Variants in PDE2A observed in about 807,000 individuals in gnomAD.
PDE2A encodes phosphodiesterase 2A.
Under a neutral mutation model 133.6 loss-of-function variants are expected in PDE2A, and 53 were observed. That is an observed-to-expected ratio of 0.40 (90% CI 0.32 to 0.50). The LOEUF is 0.50. Among genes scored for constraint, PDE2A ranks in the 20% least tolerant of loss-of-function variants. The probability of loss-of-function intolerance (pLI) is 0.73; values close to 1 mark genes in which losing one functional copy is unlikely to be tolerated. For missense variants in PDE2A, 796 were observed against 1,232.4 expected, an observed-to-expected ratio of 0.65 and a Z score of 5.30; for synonymous variants, 491 against 490.2, an observed-to-expected ratio of 1.00 and a Z score of -0.02.
In PDE2A at chr11:72,658,381, G is replaced by A. The variant is rs75017062; in HGVS notation, c.71+15756C>T. The stretch of plus-strand genomic sequence containing the variant: ...GAGCTGTGGTTCTGATCCCTCCCAG[G>A]ACTTTCCCTGGAAGTCACCACCTCC... On this transcript the variant is annotated intron_variant, in intron 1 of 30. Transcript: ENST00000334456. Among the ~76,000 whole-genome samples the A allele has an allele frequency of 7.7e-3, 1,169 of 152,172 alleles. 5 individuals carry two copies. Among genetic ancestry groups the A allele is most frequent in the Non-Finnish European group, 0.013 (912 of 68,010 alleles).
intron 6 of PDE2A, 88 bp downstream of exon 6, chr11:72,596,505 C>CAT (rs1177443180): frequency 1.0e-5 from 6 of 586,444 alleles, no homozygotes; most frequent in African/African-American, 1.9e-5. Context: ...CACACACACA[C>CAT]ACACACACAC....
chr11:72,577,576 G>C lies in PDE2A; in HGVS notation c.2634C>G (p.Phe878Leu). The C allele has an allele frequency of 6.2e-7, 1 of 1,600,972 alleles. No homozygotes were observed. Among genetic ancestry groups the C allele is most frequent in the Non-Finnish European group, 8.5e-7 (1 of 1,179,582 alleles). ...GCTCGTACAGCTCTGCCGCTTTGGG[G>C]AACAGGTCCTGCAACAGCCTGCGGG... ...MPIYKLLQDL[F>L]PKAAELYERV... The change falls in exon 31 of 31, where the codon TTC becomes TTG. Residue 878 changes from phenylalanine to leucine, a missense_variant. Transcript: ENST00000334456.
At chr11:72,604,836 T>C (rs908214880) in intron 4 of PDE2A, among the ~76,000 whole-genome samples, 3 of 152,212 alleles carry the variant, frequency 2.0e-5, no homozygotes, top group Non-Finnish European at 4.4e-5. Context: ...ATACACCCCA[T>C]AGCCCCAATG....
At chr11:72,631,269 C>T in intron 2 of PDE2A, 1 of 644,698 alleles carries the variant, frequency 1.6e-6, no homozygotes, top group South Asian at 2.0e-5. Flanking sequence ...CCTGCTTGCA[C>T]CCTGCTCTCT....
At position 72,579,400 on chromosome 11, in the gene PDE2A, G is replaced by A. The variant is rs202238469; in HGVS notation, c.2257-17C>T. On this transcript the variant is annotated splice_polypyrimidine_tract_variant and intron_variant, in intron 26 of 30. Coordinates refer to ENST00000334456, the MANE Select transcript of PDE2A (RefSeq NM_002599.5). ...CTGATAGTCCTGAGGCGAGGGCAGG[G>A]GTGTCATGCCCTCCTACTGGACACC... The A allele has an allele frequency of 4.8e-5, 76 of 1,598,148 alleles. 1 individual carries two copies. The Middle Eastern group carries it at 1.0e-3, about 21-fold the overall frequency.
chr11:72,601,454 C>A (rs1321637299), intron 4 of PDE2A, among the ~76,000 whole-genome samples: 1 of 150,206 alleles, frequency 6.7e-6, no homozygotes, highest in African/African-American at 2.5e-5. Context: ...CTGAGACAAC[C>A]CCTAGGGATG....
rs569775230 is a variant in PDE2A, at chr11:72,624,986, G to A, written c.145-16235C>T. On this transcript the variant is annotated intron_variant, in intron 2 of 30. Transcript: ENST00000334456. The stretch of plus-strand genomic sequence containing the variant: ...CTGGGTCCCACAAGCTTGGCCCCTC[G>A]TCCCCACCCCAACTGGGCACAGTCG... Among the ~76,000 whole-genome samples the A allele has an allele frequency of 5.3e-5, 8 of 152,280 alleles. No individual in the cohort carries two copies. The South Asian group carries it at 6.2e-4, about 12-fold the overall frequency.
In PDE2A at chr11:72,674,212, C is replaced by T; in HGVS notation, c.-5G>A. On this transcript the variant is annotated 5_prime_UTR_variant, in exon 1 of 31. Transcript: ENST00000334456. ...GTGGCCGCATGCCTGCCCCATCACT[C>T]CTCATCGTCCGCCTCCCCAGCCAGA... 1 of 1,608,160 alleles carries T rather than the reference C, an allele frequency of 6.2e-7. No individual in the cohort carries two copies. Among genetic ancestry groups the T allele is most frequent in the Non-Finnish European group, 8.5e-7 (1 of 1,179,170 alleles).
At chr11:72,652,395 T>G (rs1226105968) in intron 1 of PDE2A, 3 of 424,482 alleles carry the variant, frequency 7.1e-6, no homozygotes, top group African/African-American at 6.1e-5. Context: ...TACAGGTGCA[T>G]GACATGGCAC....
intron 3 of PDE2A, among the ~76,000 whole-genome samples, chr11:72,607,756 A>T (rs888672439): frequency 6.6e-6 from 1 of 152,146 alleles, no homozygotes; most frequent in Non-Finnish European, 1.5e-5. Flanking sequence ...TGAGTTGGCC[A>T]TATTTCCTGG....
intron 1 of PDE2A, among the ~76,000 whole-genome samples, chr11:72,664,443 G>A (rs953746747): frequency 7.6e-6 from 1 of 130,790 alleles, no homozygotes; most frequent in African/African-American, 2.9e-5. Flanking sequence ...GCACAATCTC[G>A]GCTCACTGCA....
At chr11:72,619,223 A>G (rs1348599302) in intron 2 of PDE2A, among the ~76,000 whole-genome samples, 2 of 152,182 alleles carry the variant, frequency 1.3e-5, no homozygotes, top group African/African-American at 4.8e-5. Context: ...ACTAAATTTT[A>G]TCTTGGAAAT....
At position 72,642,281 on chromosome 11, in the gene PDE2A, C is replaced by T; in HGVS notation, c.117G>A (p.Pro39=). 1 of 1,514,744 alleles carries T rather than the reference C, an allele frequency of 6.6e-7. No homozygotes were observed. The allele number at this position is 1,514,744 out of a possible 1,614,324, so 93.8% of individuals were successfully genotyped here. ...VFLKPDEPPP[P]PQPCADSLQD... ...GCAGGCTGTCGGCGCATGGCTGCGG[C>T]GGCGGCGGCGGCTCGTCCGGCTTGA... The change falls in exon 2 of 31, where the codon CCG becomes CCA. Residue 39 remains proline (P), a synonymous_variant. Transcript: ENST00000334456.
rs1855515077 is a variant in PDE2A, at chr11:72,577,416, T to TG, written c.2793dup (p.Ile932HisfsTer8). 6.2e-7 allele frequency: 1 copy of TG among 1,613,870 alleles called. No individual in the cohort carries two copies. The highest frequency in any genetic ancestry group is 2.2e-5 in the East Asian group (1 of 44,874). On this transcript the variant is annotated frameshift_variant, in exon 31 of 31. Transcript: ENST00000334456. LOFTEE classifies it high-confidence loss of function. ...GCATCAAGGCTGCAGCAGCCATTGA[T>TG]GGGGGCCCTAGTGCCATCCAGATCA...
rs533956061 is a variant in PDE2A at position 72,591,074 on chromosome 11, G to A, written c.549+223C>T. On this transcript the variant is annotated intron_variant, in intron 7 of 30. Coordinates refer to ENST00000334456, the MANE Select transcript of PDE2A (RefSeq NM_002599.5). The stretch of plus-strand genomic sequence containing the variant: ...ATTTACAAGATATTTGACCAGTTTT[G>A]TTTCACCACTGCCCTAGGTCAGTCG... 2.2e-3 allele frequency: 1,178 copies of A among 539,734 alleles called. 16 individuals carry two copies. The highest frequency in any genetic ancestry group is 0.018 in the South Asian group (713 of 38,584). 33.4% of individuals were successfully genotyped at this position (539,734 alleles called of 1,614,324 possible).
rs1855560845 is a variant in PDE2A at position 72,578,410 on chromosome 11, GC to G, written c.2508+65del. ...GGGTACCAGGGTCAGGCTAGTTCAA[GC>G]CCTCCCTGTCCCAGGCCAGGAACCC... On this transcript the variant is annotated intron_variant, in intron 29 of 30. Transcript: ENST00000334456. This position sits in a 1 kb window ranked among gnomAD's most constrained non-coding sequence, Gnocchi z 4.2. 5.1e-6 allele frequency: 8 copies of G among 1,578,398 alleles called. 1 individual carries two copies. In the South Asian group the frequency reaches 8.9e-5, roughly 17 times the overall value.
intron 2 of PDE2A, 81 bp from the exon 3 acceptor site, chr11:72,608,832 A>AC (rs1201056195): frequency 4.0e-6 from 3 of 749,996 alleles, no homozygotes; most frequent in East Asian, 5.4e-5. Flanking sequence ...TGTGAGCAAA[A>AC]CCCCCCAGCT....
intron 2 of PDE2A, among the ~76,000 whole-genome samples, chr11:72,626,729 C>T (rs573071929): frequency 4.6e-5 from 7 of 152,352 alleles, no homozygotes; most frequent in Admixed American, 2.6e-4. Context: ...ACCTGGCTCC[C>T]GCCCCTGCCT....
intron 2 of PDE2A, among the ~76,000 whole-genome samples, chr11:72,627,221 G>A (rs1452819228): frequency 6.6e-6 from 1 of 152,212 alleles, no homozygotes; most frequent in Non-Finnish European, 1.5e-5. Flanking sequence ...ATGGGCCCAA[G>A]AGAGACAAAG....
Sources: allele counts gnomAD v4.1 joint callset (sites outside exome capture counted in the v4.1 genomes callset), GRCh38; gene constraint gnomAD v4.1.1; non-coding constraint Gnocchi (gnomAD v3.1); transcripts MANE v1.5; gene names NCBI Gene and HGNC (gene_info 2026-07-23, HGNC 2026-07-21).